The following LRCOL1 variants were observed in gnomAD, a reference collection of about 807,000 sequenced individuals.
LRCOL1 encodes the protein leucine-rich colipase-like protein 1.
A neutral mutation model predicts 21.6 loss-of-function variants in LRCOL1; 21 were observed. The ratio of observed to expected loss-of-function variants is 0.97; its 90% CI spans 0.69 to 1.40. The LOEUF is 1.40. Among genes scored for constraint, LRCOL1 ranks in the 40% most tolerant of loss-of-function variants. LRCOL1 has a pLI of 0.00. For synonymous variants in LRCOL1, 98 were observed against 90.1 expected (o/e 1.09, Z -0.49); for missense variants, 198 against 202.3 (o/e 0.98, Z 0.13).
chr12:132,604,446 G>C lies in LRCOL1; in HGVS notation c.354+16C>G. 2.0e-6 allele frequency: 3 copies of C among 1,528,716 alleles called. No homozygotes were observed. The highest frequency in any genetic ancestry group is 2.6e-6 in the Non-Finnish European group (3 of 1,145,040). 94.7% of individuals were successfully genotyped at this position (1,528,716 alleles called of 1,614,324 possible). ...GGCTACCCCTGCTCCATCTGCCCCG[G>C]GTGCCCGCAGCTCACCTTGCGCCAG... On this transcript the variant is annotated intron_variant, in intron 4 of 5. Coordinates refer to ENST00000376608, the MANE Select transcript of LRCOL1 (RefSeq NM_001195520.2).
Position 132,603,991 on chromosome 12 carries a change from G to A in LRCOL1, c.477+263C>T, listed in dbSNP as rs146770198. On this transcript the variant is annotated intron_variant, in intron 5 of 5. Coordinates refer to ENST00000376608, the MANE Select transcript of LRCOL1 (RefSeq NM_001195520.2). ...GATGGTCCTGGGTCCCCCTCCCCGCGGCTCCGCAGGCTCTGACGGTCTCTG... is the reference window on the plus strand; with the variant it reads ...GATGGTCCTGGGTCCCCCTCCCCGCAGCTCCGCAGGCTCTGACGGTCTCTG... The A allele has an allele frequency of 3.9e-4, 523 of 1,326,256 alleles. 1 individual carries two copies. The African/African-American group carries it at 5.7e-3, about 14-fold the overall frequency. 82.2% of individuals were successfully genotyped at this position (1,326,256 alleles called of 1,614,324 possible). A position where few individuals can be genotyped will look rare whatever the true frequency, so the allele number is the denominator to read the frequency against.
Position 132,610,520 on chromosome 12 carries a change from C to T in LRCOL1, c.-211G>A. 6.6e-6 allele frequency: 1 copy of T among 152,284 alleles called. No individual in the cohort carries two copies. The allele number at this position is 152,284 out of a possible 1,614,324, so 9.4% of individuals were successfully genotyped here. ...CCTTCGGTCCCAGGAGAAAGACGCT[C>T]ATCTCCCCACATGAGAGGCTCAGTG... On this transcript the variant is annotated 5_prime_UTR_variant, in exon 1 of 6. It removes an upstream start codon present in the reference 5' UTR. Transcript: ENST00000376608.
At chr12:132,607,458 C>T (rs997433454) in intron 1 of LRCOL1, among the ~76,000 whole-genome samples, 15 of 152,224 alleles carry the variant, frequency 9.9e-5, no homozygotes, top group Admixed American at 2.0e-4. Flanking sequence ...AGATGAAGGG[C>T]GAATATGAAG....
At chr12:132,607,144 C>A (rs2041319561) in intron 1 of LRCOL1, among the ~76,000 whole-genome samples, 1 of 152,190 alleles carries the variant, frequency 6.6e-6, no homozygotes, top group Admixed American at 6.5e-5. Flanking sequence ...GAGCCCCATG[C>A]CCGGACGGCG....
In LRCOL1 at chr12:132,603,231, G is replaced by C; in HGVS notation, c.*171C>G. On this transcript the variant is annotated 3_prime_UTR_variant, in exon 6 of 6. Coordinates refer to ENST00000376608, the MANE Select transcript of LRCOL1 (RefSeq NM_001195520.2). Reference sequence around the variant, plus strand: ...TGGGATTTGTTCTCACAGACACTTCGCGCCACCAGGCTGGTCACAGCCTTT... The same window carrying C: ...TGGGATTTGTTCTCACAGACACTTCCCGCCACCAGGCTGGTCACAGCCTTT... The C allele has an allele frequency of 3.1e-6, 3 of 973,294 alleles. No individual in the cohort carries two copies. Among genetic ancestry groups the C allele is most frequent in the Non-Finnish European group, 3.0e-6 (2 of 668,694 alleles). 60.3% of individuals were successfully genotyped at this position (973,294 alleles called of 1,614,324 possible). A position where few individuals can be genotyped will look rare whatever the true frequency, so the allele number is the denominator to read the frequency against.
rs1005129016 is a variant in LRCOL1, at chr12:132,606,854, C to T, written c.-13-590G>A. Among the ~76,000 whole-genome samples the T allele has an allele frequency of 7.3e-6, 1 of 137,734 alleles. No homozygotes were observed. Among genetic ancestry groups the T allele is most frequent in the African/African-American group, 2.5e-5 (1 of 40,474 alleles). 90.4% of individuals were successfully genotyped at this position (137,734 alleles called of 152,430 possible). A position where few individuals can be genotyped will look rare whatever the true frequency, so the allele number is the denominator to read the frequency against. The stretch of plus-strand genomic sequence containing the variant: ...AAGGTTCCTCTGTGGCTTTTCGTGG[C>T]ATAATGACTCATTTCTTTTTAGCAC... On this transcript the variant is annotated intron_variant, in intron 1 of 5. Coordinates refer to ENST00000376608, the MANE Select transcript of LRCOL1 (RefSeq NM_001195520.2). The surrounding 1 kb of genome is among the most constrained non-coding windows in gnomAD (Gnocchi z 4.6).
In LRCOL1 at chr12:132,604,639, C is replaced by T; in HGVS notation, c.232-55G>A. Reference sequence around the variant, plus strand: ...ACCCACCATCCACTCCCTGGCTCTTCAGGGGCAGGTAGGAGGGGGCCACAG... The same window carrying T: ...ACCCACCATCCACTCCCTGGCTCTTTAGGGGCAGGTAGGAGGGGGCCACAG... On this transcript the variant is annotated intron_variant, in intron 3 of 5. Transcript: ENST00000376608. The T allele has an allele frequency of 3.3e-6, 5 of 1,526,186 alleles. No homozygotes were observed. In the South Asian group the frequency reaches 4.8e-5, roughly 15 times the overall value. The allele number at this position is 1,526,186 out of a possible 1,614,324, so 94.5% of individuals were successfully genotyped here. A position where few individuals can be genotyped will look rare whatever the true frequency, so the allele number is the denominator to read the frequency against.
Position 132,603,357 on chromosome 12 carries a change from TC to T in LRCOL1, c.*44del. ...CGCGCAACGCGGTCCTGCGTGAACA[TC>T]CCAGGGCCCAGGCCGGTCCCTCGCG... On this transcript the variant is annotated 3_prime_UTR_variant, in exon 6 of 6. Coordinates refer to ENST00000376608, the MANE Select transcript of LRCOL1 (RefSeq NM_001195520.2). 1.3e-6 allele frequency: 2 copies of T among 1,536,034 alleles called. No homozygotes were observed. The highest frequency in any genetic ancestry group is 8.7e-7 in the Non-Finnish European group (1 of 1,146,806).
chr12:132,606,225 C>T lies in LRCOL1; in HGVS notation c.27G>A (p.Leu9=). The T allele has an allele frequency of 1.3e-6, 2 of 1,536,562 alleles. No homozygotes were observed. Among genetic ancestry groups the T allele is most frequent in the Non-Finnish European group, 1.7e-6 (2 of 1,146,864 alleles). The change falls in exon 2 of 6, where the codon CTG becomes CTA. Residue 9 remains leucine (L), a synonymous_variant. Transcript: ENST00000376608. This position sits in a 1 kb window ranked among gnomAD's most constrained non-coding sequence, Gnocchi z 4.6. MAGPGWTL[L]LLLLLLLLLG... is the part of the protein sequence containing the mutation. Reference sequence around the variant, plus strand: ...GCAGCAGCAGCAGCAGCAGCAGTAGCAGCAGCGTCCACCCCGGGCCGGCCA... The same window carrying T: ...GCAGCAGCAGCAGCAGCAGCAGTAGTAGCAGCGTCCACCCCGGGCCGGCCA...
At chr12:132,610,120 C>T (rs1345912276) in intron 1 of LRCOL1, among the ~76,000 whole-genome samples, 1 of 152,194 alleles carries the variant, frequency 6.6e-6, no homozygotes, top group Non-Finnish European at 1.5e-5. Context: ...GGCCGGGCAC[C>T]TGGCAGGTGG....
intron 3 of LRCOL1, 21 bp from the exon 4 acceptor site, chr12:132,604,605 C>T (rs888261484): frequency 1.3e-6 from 2 of 1,524,918 alleles, no homozygotes; most frequent in South Asian, 1.2e-5. Context: ...GGAGACGCGT[C>T]ATCCCTGCAC....
intron 3 of LRCOL1, 43 bp from the exon 4 acceptor site, chr12:132,604,627 T>TCC (rs1415522531): frequency 6.6e-7 from 1 of 1,525,698 alleles, no homozygotes; most frequent in African/African-American, 1.4e-5. Flanking sequence ...CACCATCCAC[T>TCC]CCCTGGCTCT....
At position 132,604,331 on chromosome 12, in the gene LRCOL1, A is replaced by C. The variant is rs1407244501; in HGVS notation, c.400T>G (p.Cys134Gly). The C allele has an allele frequency of 6.5e-7, 1 of 1,535,850 alleles. No individual in the cohort carries two copies. Among genetic ancestry groups the C allele is most frequent in the Non-Finnish European group, 8.7e-7 (1 of 1,146,826 alleles). ...CTGTACTCCCTCAGCTGGATGCAGCACTGGCTGTGACACTCCTGATGGCTG... is the reference window on the plus strand; with the variant it reads ...CTGTACTCCCTCAGCTGGATGCAGCCCTGGCTGTGACACTCCTGATGGCTG... The part of the protein sequence containing the change: ...CSSHQECHSQ[C>G]CIQLREYSPF... Residue 134 changes from cysteine to glycine, a missense_variant, in exon 5 of 6, where the codon TGC becomes GGC. By Grantham distance (159) the Cys-to-Gly change is radical. Coordinates refer to ENST00000376608, the MANE Select transcript of LRCOL1 (RefSeq NM_001195520.2).
rs544877834 is a variant in LRCOL1 at position 132,606,512 on chromosome 12, C to T, written c.-13-248G>A. On this transcript the variant is annotated intron_variant, in intron 1 of 5. Transcript: ENST00000376608. This position sits in a 1 kb window ranked among gnomAD's most constrained non-coding sequence, Gnocchi z 4.6. ...AGTTTCCCCTATTATAAACATGCTGCACTCGTGTGACACATCTGTCCACCA... is the reference window on the plus strand; with the variant it reads ...AGTTTCCCCTATTATAAACATGCTGTACTCGTGTGACACATCTGTCCACCA... 1.4e-4 allele frequency among the ~76,000 whole-genome samples: 22 copies of T among 152,332 alleles called. No individual in the cohort carries two copies. The highest frequency in any genetic ancestry group is 4.8e-4 in the African/African-American group (20 of 41,580).
intron 1 of LRCOL1, among the ~76,000 whole-genome samples, chr12:132,607,288 G>A (rs1044870816): frequency 3.9e-5 from 6 of 152,158 alleles, no homozygotes; most frequent in Non-Finnish European, 8.8e-5. Flanking sequence ...AAAGCCATAC[G>A]GGAAAACCCA....
At position 132,604,268 on chromosome 12, in the gene LRCOL1, G is replaced by A; in HGVS notation, c.463C>T (p.Gln155Ter). 1 of 1,534,894 alleles carries A rather than the reference G, an allele frequency of 6.5e-7. No individual in the cohort carries two copies. Among genetic ancestry groups the A allele is most frequent in the South Asian group, 1.2e-5 (1 of 83,940 alleles). ...CCGGGACTTACCAGGGGCAGGCACT[G>A]GGCCAGGATCCCGGTCCGGGGAATG... ...RCIPRTGILA[Q>*]CLPL is the part of the protein sequence containing the mutation. Residue 155 changes from glutamine (Q) to a stop codon, truncating the protein, a stop_gained, in exon 5 of 6, where the codon CAG becomes TAG. Transcript: ENST00000376608. LOFTEE classifies it high-confidence loss of function.
intron 1 of LRCOL1, among the ~76,000 whole-genome samples, chr12:132,607,569 G>A (rs1434734734): frequency 6.6e-6 from 1 of 152,140 alleles, no homozygotes; most frequent in African/African-American, 2.4e-5. Flanking sequence ...CAGGGGGCTG[G>A]GCAGGGTCTC....
At chr12:132,603,843 C>T (rs1593647929) in intron 5 of LRCOL1, 10 of 985,438 alleles carry the variant, frequency 1.0e-5, no homozygotes, top group Middle Eastern at 5.2e-4. Flanking sequence ...ATGGATTTCC[C>T]GTCAGGAAAA....
intron 2 of LRCOL1, 59 bp from the exon 3 acceptor site, chr12:132,604,890 A>G (rs2041284317): frequency 6.6e-7 from 1 of 1,522,896 alleles, no homozygotes; most frequent in Non-Finnish European, 8.8e-7. Flanking sequence ...CAGACTCAGC[A>G]CTCAGGAAAG....
Sources: allele counts gnomAD v4.1 joint callset (sites outside exome capture counted in the v4.1 genomes callset), GRCh38; gene constraint gnomAD v4.1.1; non-coding constraint Gnocchi (gnomAD v3.1); transcripts MANE v1.5; gene names NCBI Gene and HGNC (gene_info 2026-07-23, HGNC 2026-07-21).